Variants in PLD5 observed in about 807,000 individuals in gnomAD.
PLD5 encodes phospholipase D family member 5.
A neutral mutation model predicts 61.1 loss-of-function variants in PLD5; 36 were observed. The ratio of observed to expected loss-of-function variants is 0.59; its 90% CI spans 0.45 to 0.78. PLD5 has a LOEUF of 0.78. PLD5 is among the 30% of genes least tolerant of loss of function. The pLI is 0.00. For missense variants in PLD5, 515 were observed against 644.4 expected, an observed-to-expected ratio of 0.80 and a Z score of 2.17; for synonymous variants, 243 against 242.8, an observed-to-expected ratio of 1.00 and a Z score of -0.01.
chr1:242,365,988 C>T (rs964336265), intron 1 of PLD5, among the ~76,000 whole-genome samples: 1 of 152,132 alleles, frequency 6.6e-6, no homozygotes, highest in Non-Finnish European at 1.5e-5. Flanking sequence ...TAGGTGGCAT[C>T]ATTAGTGAGT....
At chr1:242,216,050 G>T (rs1670174264) in intron 5 of PLD5, among the ~76,000 whole-genome samples, 1 of 152,174 alleles carries the variant, frequency 6.6e-6, no homozygotes, top group Non-Finnish European at 1.5e-5. Context: ...CCCCAGCGGG[G>T]TTCCTTAGTA....
intron 5 of PLD5, among the ~76,000 whole-genome samples, chr1:242,154,088 G>A (rs1230575294): frequency 6.6e-6 from 1 of 152,072 alleles, no homozygotes; most frequent in African/African-American, 2.4e-5. Flanking sequence ...GTATTCCCAG[G>A]TATTTAATTC....
intron 1 of PLD5, among the ~76,000 whole-genome samples, chr1:242,506,288 T>C (rs530894351): frequency 1.3e-5 from 2 of 152,312 alleles, no homozygotes; most frequent in African/African-American, 4.8e-5. Flanking sequence ...ACATATTATC[T>C]GTTCTCTAGT....
At chr1:242,275,659 G>T (rs1674372101) in intron 3 of PLD5, among the ~76,000 whole-genome samples, 1 of 152,162 alleles carries the variant, frequency 6.6e-6, no homozygotes, top group African/African-American at 2.4e-5. Context: ...ATTCCAGGAT[G>T]GAGGAAGACA....
chr1:242,127,563 CA>C (rs35764559), intron 5 of PLD5, among the ~76,000 whole-genome samples: 58,228 of 151,880 alleles, frequency 0.38, 11,911 homozygotes, highest in East Asian at 0.61. Flanking sequence ...AATGGAAAAC[CA>C]AACATCATAT....
At chr1:242,288,843 C>A (rs968460768) in intron 2 of PLD5, among the ~76,000 whole-genome samples, 1 of 152,142 alleles carries the variant, frequency 6.6e-6, no homozygotes, top group Non-Finnish European at 1.5e-5. Flanking sequence ...TACACAAGTA[C>A]CTTCTTCTAG....
chr1:242,506,607 C>T (rs950196772), intron 1 of PLD5, among the ~76,000 whole-genome samples: 1 of 152,310 alleles, frequency 6.6e-6, no homozygotes, highest in South Asian at 2.1e-4. Context: ...CACATTTCTT[C>T]TCTCTCAATT....
intron 1 of PLD5, among the ~76,000 whole-genome samples, chr1:242,403,833 C>T (rs1404635236): frequency 6.6e-6 from 1 of 152,126 alleles, no homozygotes; most frequent in Non-Finnish European, 1.5e-5. Flanking sequence ...AAGGGCTTTT[C>T]CTCCTTTTCT....
intron 1 of PLD5, among the ~76,000 whole-genome samples, chr1:242,508,556 A>G (rs1012713973): frequency 6.6e-6 from 1 of 152,168 alleles, no homozygotes; most frequent in African/African-American, 2.4e-5. Context: ...AAAAGAGTAC[A>G]CTAAGGTCAG....
chr1:242,417,899 AC>A (rs1455832581), intron 1 of PLD5, among the ~76,000 whole-genome samples: 6 of 152,144 alleles, frequency 3.9e-5, no homozygotes, highest in Non-Finnish European at 8.8e-5. Flanking sequence ...TGCAAGCTTT[AC>A]CCCAAGTGAA....
chr1:242,174,701 A>G (rs919701902), intron 5 of PLD5, among the ~76,000 whole-genome samples: 3 of 152,170 alleles, frequency 2.0e-5, no homozygotes, highest in Non-Finnish European at 4.4e-5. Context: ...CATATACACC[A>G]TGGAATACTA....
At chr1:242,104,307 T>C (rs1660891036) in intron 8 of PLD5, among the ~76,000 whole-genome samples, 1 of 151,680 alleles carries the variant, frequency 6.6e-6, no homozygotes, top group Admixed American at 6.6e-5. Context: ...CTTTTTTTTT[T>C]TTTTTTTGTA....
chr1:242,098,789 G>C (rs1660457188), intron 9 of PLD5, among the ~76,000 whole-genome samples: 1 of 152,194 alleles, frequency 6.6e-6, no homozygotes. Flanking sequence ...TCAGGACCCT[G>C]AGCTGCAAGT....
At chr1:242,447,527 C>T (rs1177008693) in intron 1 of PLD5, among the ~76,000 whole-genome samples, 1 of 152,226 alleles carries the variant, frequency 6.6e-6, no homozygotes, top group Non-Finnish European at 1.5e-5. Context: ...TAGGTGGTCC[C>T]TGTTAAATTA....
rs149789914 is a variant in PLD5, at chr1:242,376,178, T to C, written c.190-27936A>G. ...CTTGCAGGTCTGCTGAGAAAACAAG[T>C]CCCATTTTTTTCTTTAGAATAGCCT... On this transcript the variant is annotated intron_variant, in intron 1 of 9. Coordinates refer to ENST00000536534, the MANE Select transcript of PLD5 (RefSeq NM_001372062.1). Among the ~76,000 whole-genome samples the C allele has an allele frequency of 1.8e-3, 269 of 152,254 alleles. 7 individuals are homozygous for C. In the East Asian group the frequency reaches 0.049, roughly 27 times the overall value.
At chr1:242,133,520 C>A (rs555674249) in intron 5 of PLD5, among the ~76,000 whole-genome samples, 2 of 152,230 alleles carry the variant, frequency 1.3e-5, no homozygotes, top group African/African-American at 4.8e-5. Flanking sequence ...AGAACCTGGA[C>A]ACCCTCCACT....
intron 5 of PLD5, among the ~76,000 whole-genome samples, chr1:242,151,599 C>A (rs375605122): frequency 2.6e-5 from 4 of 151,842 alleles, no homozygotes; most frequent in African/African-American, 9.7e-5. Context: ...TTTGGTTTTC[C>A]GCAGTTTGAA....
chr1:242,271,197 CACACAGAGAGAGAGAGAG>C (rs1674049581), intron 3 of PLD5, among the ~76,000 whole-genome samples: 3 of 13,320 alleles, frequency 2.3e-4, no homozygotes, highest in South Asian at 6.2e-3. Context: ...CACACACACA[CACACAGAGAGAGAGAGAG>C]AGAGAGAGAG....
Position 242,395,043 on chromosome 1 carries a change from G to GTATATATGAATATATGAA in PLD5, c.190-46802_190-46801insTTCATATATTCATATATA, listed in dbSNP as rs1663464490. Among the ~76,000 whole-genome samples, 155 of 67,412 alleles carry GTATATATGAATATATGAA rather than the reference G, an allele frequency of 2.3e-3. 18 individuals carry two copies. Among genetic ancestry groups the GTATATATGAATATATGAA allele is most frequent in the African/African-American group, 9.4e-3 (129 of 13,674 alleles). 44.2% of individuals were successfully genotyped at this position (67,412 alleles called of 152,430 possible). On this transcript the variant is annotated intron_variant, in intron 1 of 9. Transcript: ENST00000536534. ...TATATATGTATATATGAATGTATAT[G>GTATATATGAATATATGAA]TATATATGAATATATATGTATATAT...
Sources: gnomAD v4.1 joint callset for allele counts (sites outside exome capture counted in the v4.1 genomes callset) on GRCh38, gnomAD v4.1.1 for gene constraint, MANE v1.5 for transcripts, NCBI Gene and HGNC (gene_info 2026-07-23, HGNC 2026-07-21) for gene names.